Variants in BICRAL observed in about 807,000 individuals in gnomAD.
BICRAL encodes the protein BICRA like chromatin remodeling complex associated protein.
BICRAL carries 8 observed loss-of-function variants against 91.8 expected under a neutral mutation model. The observed-to-expected ratio is 0.09, with a 90% CI of 0.05 to 0.16. The LOEUF is 0.16. BICRAL is among the 10% of genes least tolerant of loss of function. BICRAL has a pLI of 1.00. For missense variants in BICRAL, 1,038 were observed against 1,310.9 expected (o/e 0.79, Z 3.21); for synonymous variants, 445 against 491.1 (o/e 0.91, Z 1.24).
intron 1 of BICRAL, among the ~76,000 whole-genome samples, chr6:42,753,611 G>A (rs1762414257): frequency 1.3e-5 from 2 of 152,102 alleles, no homozygotes; most frequent in Non-Finnish European, 2.9e-5. Context: ...ACTGTTGTTT[G>A]AACTTGTTTG....
At chr6:42,818,889 C>G (rs1764064961) in intron 2 of BICRAL, among the ~76,000 whole-genome samples, 1 of 152,154 alleles carries the variant, frequency 6.6e-6, no homozygotes. Flanking sequence ...CAATTCAGAA[C>G]AGTTTTAAAT....
At chr6:42,804,303 G>GT (rs1225611268) in intron 1 of BICRAL, among the ~76,000 whole-genome samples, 1 of 152,138 alleles carries the variant, frequency 6.6e-6, no homozygotes, top group Non-Finnish European at 1.5e-5. Flanking sequence ...GATTACAGGC[G>GT]TGAGCCACTG....
At chr6:42,782,739 C>T (rs972244423) in intron 1 of BICRAL, among the ~76,000 whole-genome samples, 2 of 151,382 alleles carry the variant, frequency 1.3e-5, no homozygotes, top group East Asian at 2.0e-4. Flanking sequence ...TTTCCGCCCC[C>T]CGGAGCCGCC....
At chr6:42,803,641 A>G (rs1388649495) in intron 1 of BICRAL, among the ~76,000 whole-genome samples, 2 of 152,244 alleles carry the variant, frequency 1.3e-5, no homozygotes. Context: ...GCATTGCACT[A>G]AACTCTGCTA....
chr6:42,849,073 G>A (rs1211442804), intron 6 of BICRAL, among the ~76,000 whole-genome samples: 1 of 152,092 alleles, frequency 6.6e-6, no homozygotes, highest in African/African-American at 2.4e-5. Flanking sequence ...ACCCTTCCCT[G>A]TTAGTGGAAG....
At position 42,828,874 on chromosome 6, in the gene BICRAL, A is replaced by G; in HGVS notation, c.541A>G (p.Thr181Ala). The G allele has an allele frequency of 3.7e-6, 6 of 1,614,184 alleles. No homozygotes were observed. Among genetic ancestry groups the G allele is most frequent in the Non-Finnish European group, 3.4e-6 (4 of 1,180,002 alleles). The change falls in exon 6 of 13, where the codon ACA (threonine) becomes GCA (alanine). Residue 181 changes from threonine to alanine, a missense_variant. Coordinates refer to ENST00000314073, the MANE Select transcript of BICRAL (RefSeq NM_001393499.1). ...VPVGASFASN[T>A]VGVQHGFMQH... ...TGTTGGAGCATCGTTTGCAAGCAAT[A>G]CAGTGGGTGTACAACATGGCTTTAT... is the stretch of plus-strand genomic sequence containing the variant.
chr6:42,865,386 A>G lies in BICRAL; in HGVS notation c.3180A>G (p.Glu1060=). The change falls in exon 13 of 13, where the codon GAA becomes GAG. Residue 1060 remains glutamate (E), a synonymous_variant. Transcript: ENST00000314073. ...CLEKFIPDHS[E]GVVETDSILE... ...AAAAGTTCATCCCGGACCACAGTGA[A>G]GGTGTTGTAGAAACTGACTCCATTT... 5 of 1,613,620 alleles carry G rather than the reference A, an allele frequency of 3.1e-6. No individual in the cohort carries two copies. The highest frequency in any genetic ancestry group is 4.2e-6 in the Non-Finnish European group (5 of 1,179,540).
At chr6:42,856,366 CTTTTTTTTTTTTTTT>C in intron 9 of BICRAL, among the ~76,000 whole-genome samples, 1 of 68,140 alleles carries the variant, frequency 1.5e-5, no homozygotes, top group Non-Finnish European at 2.6e-5. Context: ...CTTTCTTTTC[CTTTTTTTTTTTTTTT>C]TTTTTTTTTT....
intron 1 of BICRAL, among the ~76,000 whole-genome samples, chr6:42,795,208 G>A (rs1763387824): frequency 6.6e-6 from 1 of 152,002 alleles, no homozygotes; most frequent in Non-Finnish European, 1.5e-5. Flanking sequence ...AAGACTGGTG[G>A]ATCACCTGGG....
chr6:42,816,203 A>G (rs1763990664), intron 2 of BICRAL, among the ~76,000 whole-genome samples: 1 of 148,150 alleles, frequency 6.7e-6, no homozygotes, highest in African/African-American at 2.6e-5. Context: ...ACCAAAAAAA[A>G]ATGAAAAAAA....
At chr6:42,862,431 CA>C in intron 11 of BICRAL, 78 bp from the exon 12 acceptor site, 1 of 892,498 alleles carries the variant, frequency 1.1e-6, no homozygotes, top group South Asian at 1.4e-5. Flanking sequence ...AATTTTGTAC[CA>C]ATGTGTAAAT....
chr6:42,761,698 A>G (rs1233416182), intron 1 of BICRAL, among the ~76,000 whole-genome samples: 2 of 152,254 alleles, frequency 1.3e-5, no homozygotes, highest in African/African-American at 2.4e-5. Context: ...ACTTGAGCCC[A>G]GGAGTTCAAG....
intron 8 of BICRAL, 104 bp downstream of exon 8, chr6:42,853,842 C>T (rs544861925): frequency 3.7e-6 from 3 of 801,158 alleles, no homozygotes; most frequent in Non-Finnish European, 4.2e-6. Flanking sequence ...GTGCACAGTC[C>T]ACCCAGTCCC....
At chr6:42,838,169 T>A (rs1263756561) in intron 6 of BICRAL, among the ~76,000 whole-genome samples, 1 of 152,232 alleles carries the variant, frequency 6.6e-6, no homozygotes, top group Admixed American at 6.6e-5. Flanking sequence ...GACCTTTTAA[T>A]ATAATTATAT....
At chr6:42,825,827 C>T (rs1284561124) in intron 5 of BICRAL, among the ~76,000 whole-genome samples, 2 of 100,008 alleles carry the variant, frequency 2.0e-5, no homozygotes, top group Non-Finnish European at 4.0e-5. Context: ...CGGTGGCTCA[C>T]ACCAACACTT....
Position 42,862,490 on chromosome 6 carries a change from C to T in BICRAL, c.2350-20C>T. ...TTTTTAAAAATTGTCTATGAAATGA[C>T]TGGCCTCTCTCTTTTTCAGCGAATC... On this transcript the variant is annotated intron_variant, in intron 11 of 12. Coordinates refer to ENST00000314073, the MANE Select transcript of BICRAL (RefSeq NM_001393499.1). 3 of 1,460,678 alleles carry T rather than the reference C, an allele frequency of 2.1e-6. No homozygotes were observed. The highest frequency in any genetic ancestry group is 2.9e-6 in the Non-Finnish European group (3 of 1,045,618). 90.5% of individuals were successfully genotyped at this position (1,460,678 alleles called of 1,614,324 possible).
intron 1 of BICRAL, among the ~76,000 whole-genome samples, chr6:42,783,554 C>G (rs915854911): frequency 6.6e-6 from 1 of 152,068 alleles, no homozygotes; most frequent in Admixed American, 6.5e-5. Flanking sequence ...GAGGACATCT[C>G]GATGACCAGG....
intron 1 of BICRAL, among the ~76,000 whole-genome samples, chr6:42,793,495 G>T (rs1763336667): frequency 6.7e-6 from 1 of 150,218 alleles, no homozygotes; most frequent in South Asian, 2.1e-4. Flanking sequence ...TCACCAGTTG[G>T]CTAGTCTGGT....
chr6:42,771,587 T>C (rs1248077511), intron 1 of BICRAL, among the ~76,000 whole-genome samples: 4 of 152,278 alleles, frequency 2.6e-5, no homozygotes, highest in African/African-American at 7.2e-5. Context: ...AAGAGATTTG[T>C]TTGCCCACAT....
Sources: gnomAD v4.1 joint callset for allele counts (sites outside exome capture counted in the v4.1 genomes callset) on GRCh38, gnomAD v4.1.1 for gene constraint, MANE v1.5 for transcripts, NCBI Gene and HGNC (gene_info 2026-07-23, HGNC 2026-07-21) for gene names.